ARL8B: variants seen among roughly 807,000 people sequenced by gnomAD.
ARL8B encodes the protein ADP-ribosylation factor-like protein 8B.
In ARL8B, 9 loss-of-function variants were observed where a neutral mutation model predicts 30.6. The ratio of observed to expected loss-of-function variants is 0.29; its 90% confidence interval spans 0.18 to 0.51. The LOEUF (loss-of-function observed/expected upper bound fraction) is 0.51, where lower values mean the gene tolerates loss of function less well. Among genes scored for constraint, ARL8B ranks in the 20% least tolerant of loss-of-function variants. ARL8B has a pLI of 0.97. For missense variants in ARL8B, 130 were observed against 227.2 expected (o/e 0.57, Z 2.75); for synonymous variants, 74 against 76.0 (o/e 0.97, Z 0.14).
At chr3:5,141,092 C>T (rs1420567260) in intron 1 of ARL8B, among the ~76,000 whole-genome samples, 1 of 152,142 alleles carries the variant, frequency 6.6e-6, no homozygotes, top group Non-Finnish European at 1.5e-5. Flanking sequence ...GGTCCCTTTC[C>T]CCACTTCAGT....
chr3:5,166,634 A>G (rs994094232), intron 1 of ARL8B, among the ~76,000 whole-genome samples: 13 of 152,254 alleles, frequency 8.5e-5, no homozygotes, highest in South Asian at 4.1e-4. Context: ...CACCGCGCCC[A>G]GCTGTCTTAA....
intron 4 of ARL8B, 93 bp from the exon 5 acceptor site, chr3:5,173,924 A>G (rs940230380): frequency 2.1e-6 from 2 of 951,506 alleles, no homozygotes; most frequent in Admixed American, 3.6e-5. Flanking sequence ...ATGTGTTAAC[A>G]TCTTAACTTT....
At chr3:5,150,411 C>T (rs556390811) in intron 1 of ARL8B, among the ~76,000 whole-genome samples, 2 of 149,582 alleles carry the variant, frequency 1.3e-5, no homozygotes, top group African/African-American at 2.5e-5. Flanking sequence ...TGCAGTGAGC[C>T]GAGATCTTGC....
intron 1 of ARL8B, among the ~76,000 whole-genome samples, chr3:5,141,665 G>A (rs1208049780): frequency 1.3e-5 from 2 of 152,146 alleles, no homozygotes; most frequent in Non-Finnish European, 2.9e-5. Context: ...GTCAGTCCTT[G>A]TAAAGCTTTT....
chr3:5,122,642 G>A, intron 1 of ARL8B, 54 bp downstream of exon 1: 2 of 1,555,182 alleles, frequency 1.3e-6, no homozygotes, highest in Middle Eastern at 1.7e-4. Flanking sequence ...AGTCCGGCCC[G>A]GCGCTTCTCC....
intron 1 of ARL8B, among the ~76,000 whole-genome samples, chr3:5,136,182 G>T (rs949841217): frequency 6.6e-6 from 1 of 152,038 alleles, no homozygotes; most frequent in Non-Finnish European, 1.5e-5. Flanking sequence ...TTGGCTCACC[G>T]CAGCCTCTGC....
intron 1 of ARL8B, among the ~76,000 whole-genome samples, chr3:5,170,012 A>G (rs1034721645): frequency 3.3e-5 from 5 of 152,242 alleles, no homozygotes; most frequent in Non-Finnish European, 5.9e-5. Flanking sequence ...TAAGTAACCA[A>G]AAAGAGAACA....
intron 1 of ARL8B, among the ~76,000 whole-genome samples, chr3:5,168,878 A>G (rs373270121): frequency 6.6e-6 from 1 of 152,204 alleles, no homozygotes; most frequent in African/African-American, 2.4e-5. Flanking sequence ...TATGTAAAAC[A>G]CTTAATGATA....
At chr3:5,164,872 T>C (rs1347359214) in intron 1 of ARL8B, among the ~76,000 whole-genome samples, 1 of 152,340 alleles carries the variant, frequency 6.6e-6, no homozygotes, top group South Asian at 2.1e-4. Flanking sequence ...TTTCTACAGC[T>C]TTTCTTTTTC....
At chr3:5,123,361 G>A (rs2054200820) in intron 1 of ARL8B, among the ~76,000 whole-genome samples, 3 of 152,222 alleles carry the variant, frequency 2.0e-5, no homozygotes, top group Admixed American at 2.0e-4. Context: ...TAGCTTAGCA[G>A]GCCTAGGGAA....
At position 5,133,975 on chromosome 3, in the gene ARL8B, A is replaced by G. The variant is rs939163580; in HGVS notation, c.123+11387A>G. On this transcript the variant is annotated intron_variant, in intron 1 of 6. Transcript: ENST00000256496. ...CACACCCCACACCCCTGGAAAAAAAAGTGTTACATAATTAATGATATAAAG... is the reference window on the plus strand; with the variant it reads ...CACACCCCACACCCCTGGAAAAAAAGGTGTTACATAATTAATGATATAAAG... Among the ~76,000 whole-genome samples, 4 of 152,276 alleles carry G rather than the reference A, an allele frequency of 2.6e-5. No homozygotes were observed. In the East Asian group the frequency reaches 5.8e-4, roughly 22 times the overall value.
intron 1 of ARL8B, among the ~76,000 whole-genome samples, chr3:5,158,357 C>T (rs1406623255): frequency 6.6e-6 from 1 of 152,164 alleles, no homozygotes; most frequent in Admixed American, 6.5e-5. Context: ...GTGGAAGGAA[C>T]AGGTAATGTC....
intron 1 of ARL8B, among the ~76,000 whole-genome samples, chr3:5,161,106 G>C (rs761562323): frequency 1.3e-5 from 2 of 152,190 alleles, no homozygotes; most frequent in Admixed American, 1.3e-4. Context: ...TTTTTGTAGA[G>C]ATGGGGTCTT....
intron 1 of ARL8B, among the ~76,000 whole-genome samples, chr3:5,153,191 T>G (rs573403604): frequency 4.6e-5 from 7 of 152,162 alleles, no homozygotes; most frequent in Non-Finnish European, 1.0e-4. Flanking sequence ...CCCCTTTATA[T>G]TGTAGTCATT....
chr3:5,149,915 C>T (rs2054464342), intron 1 of ARL8B, among the ~76,000 whole-genome samples: 1 of 152,210 alleles, frequency 6.6e-6, no homozygotes, highest in Admixed American at 6.5e-5. Flanking sequence ...ACCCCAATTG[C>T]ACAAATCCTT....
At chr3:5,143,933 A>C (rs1169854240) in intron 1 of ARL8B, among the ~76,000 whole-genome samples, 1 of 152,180 alleles carries the variant, frequency 6.6e-6, no homozygotes, top group African/African-American at 2.4e-5. Context: ...GGGCTGTCCT[A>C]ATTCTGAGGA....
chr3:5,174,184 T>C, intron 5 of ARL8B, 100 bp downstream of exon 5: 1 of 1,199,530 alleles, frequency 8.3e-7, no homozygotes, highest in East Asian at 2.3e-5. Flanking sequence ...TTTTTTTAGG[T>C]AGATAAAAGT....
At chr3:5,148,353 G>T (rs1338443595) in intron 1 of ARL8B, among the ~76,000 whole-genome samples, 1 of 152,190 alleles carries the variant, frequency 6.6e-6, no homozygotes, top group African/African-American at 2.4e-5. Flanking sequence ...GTGTGGAAGG[G>T]ATAGGGAAGT....
At chr3:5,146,534 T>C (rs555331908) in intron 1 of ARL8B, among the ~76,000 whole-genome samples, 1 of 152,312 alleles carries the variant, frequency 6.6e-6, no homozygotes, top group Admixed American at 6.5e-5. Flanking sequence ...TTTAGTTCAG[T>C]CTGTAAGGGT....
Sources: allele counts gnomAD v4.1 joint callset (sites outside exome capture counted in the v4.1 genomes callset), GRCh38; gene constraint gnomAD v4.1.1; transcripts MANE v1.5; gene names NCBI Gene and HGNC (gene_info 2026-07-23, HGNC 2026-07-21).